Variants in LYPD6 observed in about 807,000 individuals in gnomAD.
The protein encoded by LYPD6 is ly6/PLAUR domain-containing protein 6.
Under a neutral mutation model 22.7 loss-of-function variants are expected in LYPD6, and 15 were observed. The observed-to-expected ratio is 0.66, with a 90% CI of 0.44 to 1.02. The LOEUF is 1.02. LYPD6 is among the 50% of genes least tolerant of loss of function. The pLI is 0.00. For missense variants in LYPD6, 189 were observed against 208.4 expected (o/e 0.91, Z 0.57); for synonymous variants, 72 against 77.5 (o/e 0.93, Z 0.37).
chr2:149,364,088 A>G (rs544993987), intron 1 of LYPD6, among the ~76,000 whole-genome samples: 3 of 152,160 alleles, frequency 2.0e-5, no homozygotes, highest in Admixed American at 6.6e-5. Flanking sequence ...AAGATTTGCA[A>G]TGATTTCAGC....
chr2:149,407,036 T>C (rs1682729435), intron 1 of LYPD6, among the ~76,000 whole-genome samples: 1 of 152,106 alleles, frequency 6.6e-6, no homozygotes, highest in Non-Finnish European at 1.5e-5. Context: ...AAAATTCTTT[T>C]CTTTAAGAAT....
At chr2:149,423,242 G>T (rs1300757361) in intron 1 of LYPD6, among the ~76,000 whole-genome samples, 1 of 152,156 alleles carries the variant, frequency 6.6e-6, no homozygotes, top group Non-Finnish European at 1.5e-5. Flanking sequence ...TCTCAGGTGG[G>T]ATGTGGAGGT....
At chr2:149,389,585 G>A (rs922218735) in intron 1 of LYPD6, among the ~76,000 whole-genome samples, 16 of 152,140 alleles carry the variant, frequency 1.1e-4, no homozygotes, top group Non-Finnish European at 1.3e-4. Context: ...ATCCAGGGAC[G>A]TTTTCATCAC....
At chr2:149,458,693 C>T (rs1558815175) in intron 3 of LYPD6, among the ~76,000 whole-genome samples, 1 of 152,090 alleles carries the variant, frequency 6.6e-6, no homozygotes, top group South Asian at 2.1e-4. Context: ...ATAACAAACA[C>T]ACTTGAAACA....
chr2:149,347,843 A>G lies in LYPD6; in HGVS notation c.-72+17121A>G, dbSNP rs115523346. ...TGTCCAACTATTTAAATGACCTAAT[A>G]TTTTATATTTGCCAATGCAAGCATA... is the stretch of plus-strand genomic sequence containing the variant. On this transcript the variant is annotated intron_variant, in intron 1 of 4. Transcript: ENST00000334166. Among the ~76,000 whole-genome samples, 985 of 152,268 alleles carry G rather than the reference A, an allele frequency of 6.5e-3. 9 individuals carry two copies. The highest frequency in any genetic ancestry group is 0.023 in the African/African-American group (947 of 41,552).
chr2:149,331,128 C>T (rs990596888), intron 1 of LYPD6, among the ~76,000 whole-genome samples: 5 of 152,174 alleles, frequency 3.3e-5, no homozygotes, highest in Non-Finnish European at 7.3e-5. Context: ...TGGCAGCACC[C>T]CACATGTTGC....
chr2:149,348,701 T>TC (rs768856781), intron 1 of LYPD6, among the ~76,000 whole-genome samples: 83 of 152,354 alleles, frequency 5.4e-4, no homozygotes, highest in Non-Finnish European at 8.7e-4. Context: ...CTTCCTTCCT[T>TC]CTTTGTGAGT....
intron 1 of LYPD6, among the ~76,000 whole-genome samples, chr2:149,358,664 A>G (rs1053183649): frequency 6.6e-6 from 1 of 151,930 alleles, no homozygotes; most frequent in African/African-American, 2.4e-5. Context: ...AAATATATAT[A>G]TTTTCTAAAT....
intron 1 of LYPD6, among the ~76,000 whole-genome samples, chr2:149,407,523 G>A (rs1050361013): frequency 2.6e-5 from 4 of 152,106 alleles, no homozygotes; most frequent in South Asian, 2.1e-4. Flanking sequence ...AGTTGATCGC[G>A]TCGGCTCCTG....
intron 1 of LYPD6, among the ~76,000 whole-genome samples, chr2:149,343,041 G>A (rs752672316): frequency 3.9e-5 from 6 of 152,162 alleles, no homozygotes; most frequent in Non-Finnish European, 8.8e-5. Flanking sequence ...CTTCTCAGTT[G>A]GGAACTATTT....
intron 1 of LYPD6, among the ~76,000 whole-genome samples, chr2:149,378,831 GTACTCCT>G (rs1419366947): frequency 3.3e-5 from 5 of 152,088 alleles, no homozygotes; most frequent in African/African-American, 1.2e-4. Flanking sequence ...ATCTTGCAAT[GTACTCCT>G]TACTGCCCCA....
chr2:149,426,471 T>TGACA (rs768997338), intron 1 of LYPD6, among the ~76,000 whole-genome samples: 17 of 152,176 alleles, frequency 1.1e-4, no homozygotes, highest in Non-Finnish European at 2.2e-4. Flanking sequence ...AACCCTTTCT[T>TGACA]GACAGCTAGC....
chr2:149,468,849 G>T, intron 4 of LYPD6, 74 bp downstream of exon 4: 1 of 1,505,230 alleles, frequency 6.6e-7, no homozygotes, highest in Non-Finnish European at 9.1e-7. Context: ...CAGTACTCAT[G>T]AGCAGATTCT....
At position 149,388,166 on chromosome 2, in the gene LYPD6, TTC is replaced by T. The variant is rs545177273; in HGVS notation, c.-71-49458_-71-49457del. ...ATTAAATATGTGTAACTACCTTTCT[TTC>T]TCTCTCTCTCTCTTTTTTTTTTTTT... is the stretch of plus-strand genomic sequence containing the variant. On this transcript the variant is annotated intron_variant, in intron 1 of 4. Coordinates refer to ENST00000334166, the MANE Select transcript of LYPD6 (RefSeq NM_194317.5). Among the ~76,000 whole-genome samples, 721 of 100,152 alleles carry T rather than the reference TTC, an allele frequency of 7.2e-3. 6 individuals carry two copies. Among genetic ancestry groups the T allele is most frequent in the African/African-American group, 0.02 (699 of 34,324 alleles). 65.7% of individuals were successfully genotyped at this position (100,152 alleles called of 152,430 possible).
At chr2:149,333,323 A>G (rs1295128431) in intron 1 of LYPD6, among the ~76,000 whole-genome samples, 3 of 152,206 alleles carry the variant, frequency 2.0e-5, no homozygotes, top group Non-Finnish European at 2.9e-5. Context: ...TCATCTGCAA[A>G]TCTTTTCTTG....
At chr2:149,444,903 C>T (rs1035766036) in intron 2 of LYPD6, among the ~76,000 whole-genome samples, 1 of 152,162 alleles carries the variant, frequency 6.6e-6, no homozygotes, top group African/African-American at 2.4e-5. Context: ...CTTAATGGCA[C>T]CTAGATGATT....
chr2:149,415,439 G>A (rs1682940611), intron 1 of LYPD6, among the ~76,000 whole-genome samples: 1 of 152,102 alleles, frequency 6.6e-6, no homozygotes, highest in Admixed American at 6.6e-5. Context: ...GGGCAAAGAA[G>A]GGGGCTAAGC....
intron 1 of LYPD6, among the ~76,000 whole-genome samples, chr2:149,424,079 C>T (rs1300836889): frequency 1.3e-5 from 2 of 152,008 alleles, no homozygotes; most frequent in African/African-American, 4.8e-5. Flanking sequence ...AGAAACACCC[C>T]AAATTCTTTT....
chr2:149,429,444 T>C (rs188741220), intron 1 of LYPD6, among the ~76,000 whole-genome samples: 48 of 152,358 alleles, frequency 3.2e-4, no homozygotes, highest in South Asian at 6.2e-4. Flanking sequence ...AGTAAAATGC[T>C]TCCCCTTCCT....
Sources: gnomAD v4.1 joint callset for allele counts (sites outside exome capture counted in the v4.1 genomes callset) on GRCh38, gnomAD v4.1.1 for gene constraint, MANE v1.5 for transcripts, NCBI Gene and HGNC (gene_info 2026-07-23, HGNC 2026-07-21) for gene names.